The following MYH13 variants were observed in gnomAD, a reference collection of about 807,000 sequenced individuals.
MYH13 encodes myosin-13.
MYH13 carries 177 observed loss-of-function variants against 232.1 expected under a neutral mutation model. The ratio of observed to expected loss-of-function variants is 0.76; its 90% CI spans 0.67 to 0.86. MYH13 has a LOEUF of 0.86. Among genes scored for constraint, MYH13 ranks in the 40% least tolerant of loss-of-function variants. MYH13 has a pLI of 0.00. For missense variants in MYH13, 2,246 were observed against 2,405.9 expected (o/e 0.93, Z 1.39); for synonymous variants, 884 against 923.5 (o/e 0.96, Z 0.78).
chr17:10,336,279 G>A (rs2071574482), intron 18 of MYH13, among the ~76,000 whole-genome samples: 1 of 152,104 alleles, frequency 6.6e-6, no homozygotes, highest in Non-Finnish European at 1.5e-5. Flanking sequence ...CTTTGCTTTT[G>A]TACCAATGCG....
chr17:10,309,856 G>C (rs759743527), intron 33 of MYH13, 26 bp from the exon 34 acceptor site: 1 of 1,522,030 alleles, frequency 6.6e-7, no homozygotes, highest in Admixed American at 2.0e-5. Flanking sequence ...GAGTGATTGA[G>C]AGTGCCGTGG....
intron 16 of MYH13, among the ~76,000 whole-genome samples, chr17:10,342,344 C>A (rs1027863203): frequency 6.6e-6 from 1 of 152,230 alleles, no homozygotes; most frequent in Middle Eastern, 3.4e-3. Context: ...CAGGTGTAAG[C>A]CACCACGCCT....
intron 33 of MYH13, among the ~76,000 whole-genome samples, chr17:10,310,287 C>T (rs756117201): frequency 3.3e-5 from 5 of 151,960 alleles, no homozygotes; most frequent in African/African-American, 1.2e-4. Context: ...GACAGGGTTT[C>T]ACCATGTTGC....
chr17:10,346,918 T>C (rs1597385957), intron 12 of MYH13, 120 bp from the exon 13 acceptor site: 2 of 715,576 alleles, frequency 2.8e-6, no homozygotes, highest in East Asian at 5.4e-5. Context: ...CATGTTGTCA[T>C]ATCTGTACCA....
chr17:10,309,259 T>G lies in MYH13; in HGVS notation c.5144A>C (p.Asp1715Ala). 3.1e-6 allele frequency: 5 copies of G among 1,613,360 alleles called. No homozygotes were observed. Among genetic ancestry groups the G allele is most frequent in the Non-Finnish European group, 3.4e-6 (4 of 1,179,752 alleles). ...CTGGGAGTGCAGGAGCTGCACGCGG[T>G]CGCTGGCGTCCAGCAGCTCCTGCTC... ...LSEQELLDAS[D>A]RVQLLHSQNT... The change falls in exon 35 of 41, where the codon GAC becomes GCC. Residue 1715 changes from aspartate to alanine, a missense_variant. Asp to Ala is a moderately radical substitution (Grantham distance 126). Transcript: ENST00000252172.
At chr17:10,327,806 C>G (rs1907265880) in intron 22 of MYH13, 60 bp downstream of exon 22, 5 of 1,577,508 alleles carry the variant, frequency 3.2e-6, no homozygotes, top group Admixed American at 4.0e-5. Flanking sequence ...CCTCAATGTT[C>G]CTCCCCCTTT....
intron 3 of MYH13, among the ~76,000 whole-genome samples, chr17:10,362,740 C>T (rs527609358): frequency 6.6e-5 from 10 of 152,244 alleles, no homozygotes; most frequent in South Asian, 4.2e-4. Context: ...ATCCTGCTGT[C>T]GTGTGTACCA....
intron 13 of MYH13, among the ~76,000 whole-genome samples, chr17:10,346,451 C>T (rs143121469): frequency 8.6e-4 from 131 of 152,310 alleles, no homozygotes; most frequent in African/African-American, 3.0e-3. Flanking sequence ...AGGGAGGCTG[C>T]CTGGCTCCAG....
Position 10,328,048 on chromosome 17 carries a change from A to T in MYH13, c.2509T>A (p.Phe837Ile). 6 of 1,614,162 alleles carry T rather than the reference A, an allele frequency of 3.7e-6. No homozygotes were observed. The highest frequency in any genetic ancestry group is 5.1e-6 in the Non-Finnish European group (6 of 1,180,026). The change falls in exon 22 of 41, where the codon TTC (phenylalanine) becomes ATC (isoleucine). Residue 837 changes from phenylalanine to isoleucine, a missense_variant. Transcript: ENST00000252172. ...NVKHWPWMNL[F>I]FKIKPLLKSA... ...TTCAGCAGGGGCTTGATTTTGAAGA[A>T]CAGGTTCATCCAGGGCCAGTGCTTG...
Position 10,315,989 on chromosome 17 carries a change from G to T in MYH13, c.3775C>A (p.Gln1259Lys). 1 of 1,613,934 alleles carries T rather than the reference G, an allele frequency of 6.2e-7. No individual in the cohort carries two copies. Among genetic ancestry groups the T allele is most frequent in the South Asian group, 1.1e-5 (1 of 91,082 alleles). The change falls in exon 28 of 41, where the codon CAA becomes AAA. Residue 1259 changes from glutamine to lysine, a missense_variant. Coordinates refer to ENST00000252172, the MANE Select transcript of MYH13 (RefSeq NM_003802.3). Reference sequence around the variant, plus strand: ...TCCTTGGCTTTGATTTCACTAAATTGATCTTCTACCGTCCGGCACGTTCTT... The same window carrying T: ...TCCTTGGCTTTGATTTCACTAAATTTATCTTCTACCGTCCGGCACGTTCTT... ...IERTCRTVED[Q>K]FSEIKAKDEQ...
Position 10,327,930 on chromosome 17 carries a change from T to A in MYH13, c.2627A>T (p.Glu876Val), listed in dbSNP as rs1555550189. 1.2e-6 allele frequency: 2 copies of A among 1,613,942 alleles called. No homozygotes were observed. The highest frequency in any genetic ancestry group is 2.2e-5 in the South Asian group (2 of 91,038). ...ELARSEARRK[E>V]LEEKMVSLLQ... Reference sequence around the variant, plus strand: ...GAGGGAGACCATTTTCTCCTCCAGCTCCTTCCGGCGAGCCTCAGATCGGGC... The same window carrying A: ...GAGGGAGACCATTTTCTCCTCCAGCACCTTCCGGCGAGCCTCAGATCGGGC... Residue 876 changes from glutamate (E) to valine (V), a missense_variant, in exon 22 of 41, where the codon GAG (glutamate) becomes GTG (valine). Physicochemically the swap from Glu to Val is moderately radical, Grantham distance 121. Transcript: ENST00000252172.
At chr17:10,301,748 T>A (rs1906102555) in intron 39 of MYH13, 45 bp from the exon 40 acceptor site, 1 of 1,605,586 alleles carries the variant, frequency 6.2e-7, no homozygotes, top group Non-Finnish European at 8.5e-7. Context: ...AGCCTCTCAG[T>A]CCGATTATGA....
At chr17:10,322,523 G>T (rs889588001) in intron 23 of MYH13, among the ~76,000 whole-genome samples, 1 of 152,010 alleles carries the variant, frequency 6.6e-6, no homozygotes, top group South Asian at 2.1e-4. Context: ...CATCCAACAG[G>T]CTTCCAGATC....
chr17:10,355,265 C>T (rs2071740608), intron 8 of MYH13, 118 bp from the exon 9 acceptor site: 6 of 1,096,216 alleles, frequency 5.5e-6, no homozygotes. Flanking sequence ...GAGAACAGAA[C>T]TGAAGGCCTG....
At chr17:10,318,129 C>A (rs1906782860) in intron 27 of MYH13, among the ~76,000 whole-genome samples, 1 of 152,158 alleles carries the variant, frequency 6.6e-6, no homozygotes, top group South Asian at 2.1e-4. Context: ...GTAATCCCAG[C>A]TACTTGGGAG....
rs750220955 is a variant in MYH13, at chr17:10,357,832, T to C, written c.646-5A>G. Reference sequence around the variant, plus strand: ...GATCTGATCCTCTAGGGTTCCCTAATAATAAACAAGAAGAGGAAAAAGAGG... The same window carrying C: ...GATCTGATCCTCTAGGGTTCCCTAACAATAAACAAGAAGAGGAAAAAGAGG... On this transcript the variant is annotated splice_region_variant and splice_polypyrimidine_tract_variant and intron_variant, in intron 7 of 40. Transcript: ENST00000252172. 10 of 1,610,754 alleles carry C rather than the reference T, an allele frequency of 6.2e-6. No individual in the cohort carries two copies. The highest frequency in any genetic ancestry group is 3.4e-5 in the Admixed American group (2 of 59,448).
In MYH13 at chr17:10,313,713, T is replaced by C. The variant is rs117400493; in HGVS notation, c.3985-359A>G. Among the ~76,000 whole-genome samples, 333 of 152,266 alleles carry C rather than the reference T, an allele frequency of 2.2e-3. 4 individuals are homozygous for C. In the East Asian group the frequency reaches 0.027, roughly 12 times the overall value. On this transcript the variant is annotated intron_variant, in intron 29 of 40. Transcript: ENST00000252172. ...CTGGGGTCTACCCTCTATTTCTTAA[T>C]AGGGTAAATAAGCAAATGCTAAGGA...
At position 10,355,165 on chromosome 17, in the gene MYH13, G is replaced by A. The variant is rs115196033; in HGVS notation, c.739-18C>T. On this transcript the variant is annotated intron_variant, in intron 8 of 40. Transcript: ENST00000252172. ...AACTTCCCCTGTCCAATAACAGGTGGACAAATGTTACGGTTATTTGATTTA... is the reference window on the plus strand; with the variant it reads ...AACTTCCCCTGTCCAATAACAGGTGAACAAATGTTACGGTTATTTGATTTA... 8.1e-4 allele frequency: 1,263 copies of A among 1,561,130 alleles called. 19 individuals carry two copies. In the African/African-American group the frequency reaches 0.016, roughly 19 times the overall value.
chr17:10,303,819 CAT>C, intron 37 of MYH13, among the ~76,000 whole-genome samples: 1 of 152,280 alleles, frequency 6.6e-6, no homozygotes, highest in Non-Finnish European at 1.5e-5. Flanking sequence ...GACACATGCA[CAT>C]ATATGTTTAC....
Sources: allele counts gnomAD v4.1 joint callset (sites outside exome capture counted in the v4.1 genomes callset), GRCh38; gene constraint gnomAD v4.1.1; transcripts MANE v1.5; gene names NCBI Gene and HGNC (gene_info 2026-07-23, HGNC 2026-07-21).